Variants in KITLG observed in about 807,000 individuals in gnomAD.
KITLG encodes the protein KIT ligand.
In KITLG, 13 loss-of-function variants were observed where a neutral mutation model predicts 34.1. That is an observed-to-expected ratio of 0.38 (90% confidence interval 0.25 to 0.61). The LOEUF (loss-of-function observed/expected upper bound fraction) is 0.61. Among genes scored for constraint, KITLG ranks in the 20% least tolerant of loss-of-function variants. KITLG has a pLI of 0.60. For synonymous variants in KITLG, 110 were observed against 104.0 expected, an observed-to-expected ratio of 1.06 and a Z score of -0.35; for missense variants, 292 against 318.9, an observed-to-expected ratio of 0.92 and a Z score of 0.64.
chr12:88,556,583 G>A (rs913238517), intron 1 of KITLG, among the ~76,000 whole-genome samples: 1 of 152,178 alleles, frequency 6.6e-6, no homozygotes, highest in Admixed American at 6.5e-5. Flanking sequence ...GGGTCAAAAG[G>A]GGAAGAGGCA....
chr12:88,516,540 T>A, intron 4 of KITLG, 50 bp from the exon 5 acceptor site: 1 of 1,235,848 alleles, frequency 8.1e-7, no homozygotes, highest in Non-Finnish European at 1.2e-6. Flanking sequence ...CAGACTTAAC[T>A]GAGGTGAAGA....
intron 3 of KITLG, among the ~76,000 whole-genome samples, chr12:88,531,260 C>T (rs1870076135): frequency 6.6e-6 from 1 of 152,110 alleles, no homozygotes; most frequent in Admixed American, 6.6e-5. Flanking sequence ...TGAATGCTGT[C>T]CACATTACAA....
chr12:88,572,406 C>T (rs539228265), intron 1 of KITLG, among the ~76,000 whole-genome samples: 3 of 151,358 alleles, frequency 2.0e-5, no homozygotes, highest in South Asian at 4.2e-4. Flanking sequence ...TGCCTAAATA[C>T]ATTTTTTTCT....
intron 1 of KITLG, among the ~76,000 whole-genome samples, chr12:88,556,557 T>A (rs1415643307): frequency 6.6e-6 from 1 of 152,094 alleles, no homozygotes; most frequent in Non-Finnish European, 1.5e-5. Flanking sequence ...TCTTGGTGAC[T>A]AATGAAAAGA....
At chr12:88,527,193 G>T (rs1869906057) in intron 3 of KITLG, among the ~76,000 whole-genome samples, 1 of 152,098 alleles carries the variant, frequency 6.6e-6, no homozygotes, top group African/African-American at 2.4e-5. Flanking sequence ...TGGAGGCCTT[G>T]TTGAAGCAGC....
chr12:88,499,468 A>C (rs1399826081), intron 9 of KITLG, among the ~76,000 whole-genome samples: 1 of 152,166 alleles, frequency 6.6e-6, no homozygotes, highest in East Asian at 1.9e-4. Context: ...CATGCTATTT[A>C]CTATCAACCA....
chr12:88,580,168 C>T, intron 1 of KITLG, 96 bp downstream of exon 1: 5 of 1,317,618 alleles, frequency 3.8e-6, no homozygotes, highest in Non-Finnish European at 5.4e-6. Flanking sequence ...GCCCTGCACG[C>T]CCCAGCTGCA....
chr12:88,503,935 T>C (rs188572914), intron 9 of KITLG, among the ~76,000 whole-genome samples: 18 of 152,308 alleles, frequency 1.2e-4, no homozygotes, highest in African/African-American at 4.1e-4. Context: ...GGTTTTCTCT[T>C]GTTTCAGCAT....
chr12:88,532,512 A>G lies in KITLG; in HGVS notation c.130-9T>C, dbSNP rs1285358845. 1.9e-6 allele frequency: 3 copies of G among 1,591,184 alleles called. No homozygotes were observed. Among genetic ancestry groups the G allele is most frequent in the Non-Finnish European group, 2.6e-6 (3 of 1,165,074 alleles). The stretch of plus-strand genomic sequence containing the variant: ...TTTGGAAGATTTGCCACCTACAGAG[A>G]CAAAAAAAAAAATTCCATAAGAAAA... On this transcript the variant is annotated splice_polypyrimidine_tract_variant and intron_variant, in intron 2 of 9. Transcript: ENST00000644744.
In KITLG at chr12:88,494,914, C is replaced by G. The variant is rs756060689; in HGVS notation, c.*2305G>C. 8 of 151,952 alleles carry G rather than the reference C, an allele frequency of 5.3e-5. No individual in the cohort carries two copies. Among genetic ancestry groups the G allele is most frequent in the Non-Finnish European group, 1.0e-4 (7 of 67,914 alleles). 9.4% of individuals were successfully genotyped at this position (151,952 alleles called of 1,614,324 possible). On this transcript the variant is annotated 3_prime_UTR_variant, in exon 10 of 10. Transcript: ENST00000644744. ...ATAAATATATATTTTCATCTCAAAG[C>G]AGAAATAACACAGTTAATGTCCAAG...
At chr12:88,536,507 A>G (rs572805143) in intron 2 of KITLG, among the ~76,000 whole-genome samples, 1 of 152,326 alleles carries the variant, frequency 6.6e-6, no homozygotes, top group South Asian at 2.1e-4. Flanking sequence ...AGGATTATAA[A>G]TCATTCTACT....
At chr12:88,508,741 T>A (rs1445139369) in intron 6 of KITLG, among the ~76,000 whole-genome samples, 2 of 152,150 alleles carry the variant, frequency 1.3e-5, no homozygotes, top group East Asian at 1.9e-4. Context: ...ATGGGAGATA[T>A]GTTTTACCAT....
intron 9 of KITLG, among the ~76,000 whole-genome samples, chr12:88,498,521 A>G (rs1368844593): frequency 6.6e-6 from 1 of 152,210 alleles, no homozygotes; most frequent in African/African-American, 2.4e-5. Flanking sequence ...GAATCACAAA[A>G]AGCAAAAGGA....
At chr12:88,515,713 G>A in intron 5 of KITLG, 96 bp from the exon 6 acceptor site, 1 of 852,260 alleles carries the variant, frequency 1.2e-6, no homozygotes, top group Non-Finnish European at 2.0e-6. Context: ...TTACTTGCCA[G>A]GTCTGCTTCC....
At chr12:88,515,018 T>C (rs1015362322) in intron 6 of KITLG, among the ~76,000 whole-genome samples, 5 of 151,830 alleles carry the variant, frequency 3.3e-5, no homozygotes, top group Admixed American at 6.6e-5. Flanking sequence ...ATCAAGCATA[T>C]AATTCTGTGG....
chr12:88,504,749 G>C (rs113877377), intron 9 of KITLG, among the ~76,000 whole-genome samples: 2 of 152,210 alleles, frequency 1.3e-5, no homozygotes, highest in Admixed American at 6.5e-5. Flanking sequence ...TTTGACCCAG[G>C]CATCCCATTA....
chr12:88,546,880 G>A (rs781650547), intron 1 of KITLG, among the ~76,000 whole-genome samples: 6 of 152,106 alleles, frequency 3.9e-5, no homozygotes, highest in Non-Finnish European at 8.8e-5. Flanking sequence ...AAACACTTTC[G>A]GAACACAGAA....
chr12:88,567,440 TTC>T (rs1871480768), intron 1 of KITLG, among the ~76,000 whole-genome samples: 1 of 152,226 alleles, frequency 6.6e-6, no homozygotes, highest in South Asian at 2.1e-4. Context: ...CAGTTTAATG[TTC>T]TGTCAAAGAA....
chr12:88,519,004 A>G lies in KITLG; in HGVS notation c.193-137T>C, dbSNP rs1000750022. ...CAGCCTCTCGAGTAGCTCAGATTAC[A>G]AGTGCCTGCCACCATGCCTGGCTAC... On this transcript the variant is annotated intron_variant, in intron 3 of 9. Coordinates refer to ENST00000644744, the MANE Select transcript of KITLG (RefSeq NM_000899.5). 10 of 754,496 alleles carry G rather than the reference A, an allele frequency of 1.3e-5. No individual in the cohort carries two copies. The African/African-American group carries it at 1.6e-4, about 12-fold the overall frequency. 46.7% of individuals were successfully genotyped at this position (754,496 alleles called of 1,614,324 possible). A position where few individuals can be genotyped will look rare whatever the true frequency, so the allele number is the denominator to read the frequency against.
Sources: gnomAD v4.1 joint callset for allele counts (sites outside exome capture counted in the v4.1 genomes callset) on GRCh38, gnomAD v4.1.1 for gene constraint, MANE v1.5 for transcripts, NCBI Gene and HGNC (gene_info 2026-07-23, HGNC 2026-07-21) for gene names.